COL5A1: variants seen among roughly 807,000 people sequenced by gnomAD.
The protein encoded by COL5A1 is collagen alpha-1(V) chain.
A neutral mutation model predicts 263.7 loss-of-function variants in COL5A1; 16 were observed. That is an observed-to-expected ratio of 0.06 (90% CI 0.04 to 0.09). The LOEUF (loss-of-function observed/expected upper bound fraction) is 0.09, where lower values mean the gene tolerates loss of function less well. COL5A1 is among the 10% of genes least tolerant of loss of function. The pLI is 1.00. For missense variants in COL5A1, 2,036 were observed against 2,540.5 expected, an observed-to-expected ratio of 0.80 and a Z score of 4.27; for synonymous variants, 1,012 against 1,004.5, an observed-to-expected ratio of 1.01 and a Z score of -0.14.
At chr9:134,832,362 C>T (rs1413772142) in intron 64 of COL5A1, among the ~76,000 whole-genome samples, 2 of 152,042 alleles carry the variant, frequency 1.3e-5, no homozygotes, top group Non-Finnish European at 2.9e-5. Flanking sequence ...GCTGAGATCG[C>T]GCCACTGCAC....
At chr9:134,648,879 C>T (rs1458454519) in intron 1 of COL5A1, among the ~76,000 whole-genome samples, 9 of 152,206 alleles carry the variant, frequency 5.9e-5, no homozygotes, top group Non-Finnish European at 1.0e-4. Context: ...CTTGGGCAGT[C>T]GCGGGCCAGG....
intron 4 of COL5A1, among the ~76,000 whole-genome samples, chr9:134,706,640 C>T (rs145256873): frequency 2.6e-5 from 4 of 152,324 alleles, no homozygotes; most frequent in African/African-American, 4.8e-5. Context: ...ATTGGGACCT[C>T]GGAAATCATG....
Position 134,659,396 on chromosome 9 carries a change from A to C in COL5A1, c.109+17100A>C, listed in dbSNP as rs562700248. Among the ~76,000 whole-genome samples the C allele has an allele frequency of 1.4e-4, 22 of 152,248 alleles. No homozygotes were observed. In the South Asian group the frequency reaches 2.9e-3, roughly 20 times the overall value. ...AGAGACTCCATCTCAAAACAATAAT[A>C]ATAATCATAATCATAAAAAAGCCTT... On this transcript the variant is annotated intron_variant, in intron 1 of 65. Transcript: ENST00000371817.
chr9:134,704,089 T>C (rs1158570360), intron 4 of COL5A1, among the ~76,000 whole-genome samples: 1 of 152,170 alleles, frequency 6.6e-6, no homozygotes, highest in East Asian at 1.9e-4. Flanking sequence ...TTCATTGATA[T>C]TCTAACTGAG....
chr9:134,695,028 G>A lies in COL5A1; in HGVS notation c.277+3949G>A, dbSNP rs575282963. The stretch of plus-strand genomic sequence containing the variant: ...CCTCTGAGGATGACCAGGCGAGGCA[G>A]TGTCCCCCCTGGTCACCTGACTTGG... On this transcript the variant is annotated intron_variant, in intron 2 of 65. Coordinates refer to ENST00000371817, the MANE Select transcript of COL5A1 (RefSeq NM_000093.5). Among the ~76,000 whole-genome samples, 5 of 152,294 alleles carry A rather than the reference G, an allele frequency of 3.3e-5. No homozygotes were observed. In the South Asian group the frequency reaches 1.0e-3, roughly 32 times the overall value.
Position 134,700,823 on chromosome 9 carries a change from C to T in COL5A1, c.492-348C>T, listed in dbSNP as rs117541604. ...CTGCCATTCTCCCGATGGCTGTGAC[C>T]GCACCGCAGGGACCACGCTCCCAGG... On this transcript the variant is annotated intron_variant, in intron 3 of 65. Coordinates refer to ENST00000371817, the MANE Select transcript of COL5A1 (RefSeq NM_000093.5). The surrounding 1 kb of genome is among the most constrained non-coding windows in gnomAD (Gnocchi z 4.0). Among the ~76,000 whole-genome samples, 2,890 of 152,290 alleles carry T rather than the reference C, an allele frequency of 0.019. 40 individuals are homozygous for T. Among genetic ancestry groups the T allele is most frequent in the Non-Finnish European group, 0.031 (2,141 of 68,020 alleles).
chr9:134,661,799 G>A (rs539285494), intron 1 of COL5A1, among the ~76,000 whole-genome samples: 1 of 152,276 alleles, frequency 6.6e-6, no homozygotes, highest in East Asian at 1.9e-4. Context: ...AGCTCTTCCA[G>A]CTGTGCTCCA....
At chr9:134,827,585 C>T (rs889286933) in intron 63 of COL5A1, among the ~76,000 whole-genome samples, 1 of 152,248 alleles carries the variant, frequency 6.6e-6, no homozygotes, top group African/African-American at 2.4e-5. Context: ...ACGGGCCAGA[C>T]TCCTCCAAAC....
intron 52 of COL5A1, 152 bp downstream of exon 52, chr9:134,816,140 A>T: frequency 1.3e-6 from 1 of 776,808 alleles, no homozygotes; most frequent in South Asian, 1.5e-5. Flanking sequence ...TGATTCCCTT[A>T]TGATGTTGAT....
chr9:134,654,821 G>A (rs1164294980), intron 1 of COL5A1, among the ~76,000 whole-genome samples: 2 of 127,072 alleles, frequency 1.6e-5, no homozygotes, highest in Non-Finnish European at 3.3e-5. Context: ...GGCGGGGTTT[G>A]TAGTGCTGGT....
At chr9:134,839,869 C>A (rs1283154026) in intron 65 of COL5A1, among the ~76,000 whole-genome samples, 1 of 152,284 alleles carries the variant, frequency 6.6e-6, no homozygotes, top group Non-Finnish European at 1.5e-5. Context: ...GGCCCCTGCC[C>A]TCCGTTCCAC....
chr9:134,838,012 G>A (rs1183643576), intron 65 of COL5A1, among the ~76,000 whole-genome samples: 1 of 152,160 alleles, frequency 6.6e-6, no homozygotes, highest in African/African-American at 2.4e-5. Context: ...AGACAGCCCA[G>A]GCCATGGCTG....
intron 65 of COL5A1, among the ~76,000 whole-genome samples, chr9:134,836,394 G>A (rs948786735): frequency 6.0e-5 from 9 of 150,808 alleles, no homozygotes; most frequent in South Asian, 4.2e-4. Context: ...ACCAAGCCCC[G>A]TGACCCAGAC....
chr9:134,812,759 AGTGTGTGTGTGTGTCTGTGTGTGT>A, intron 48 of COL5A1, 47 bp downstream of exon 48: 1 of 969,712 alleles, frequency 1.0e-6, no homozygotes, highest in South Asian at 1.6e-5. Context: ...TTGTTTGAGG[AGTGTGTGTGTGTGTCTGTGTGTGT>A]GTGTCTGTGT....
At chr9:134,792,661 G>A (rs934698609) in intron 32 of COL5A1, among the ~76,000 whole-genome samples, 4 of 152,098 alleles carry the variant, frequency 2.6e-5, no homozygotes, top group Non-Finnish European at 4.4e-5. Context: ...CACCATGCCC[G>A]GCCCAGAGAG....
At chr9:134,645,276 G>A (rs766711796) in intron 1 of COL5A1, among the ~76,000 whole-genome samples, 1 of 152,144 alleles carries the variant, frequency 6.6e-6, no homozygotes, top group Non-Finnish European at 1.5e-5. Context: ...CGCCTCAGCC[G>A]AACACAGCTG....
chr9:134,810,316 T>C lies in COL5A1; in HGVS notation c.3528+8T>C. On this transcript the variant is annotated splice_region_variant and intron_variant, in intron 44 of 65. Transcript: ENST00000371817. ...GGGGACAAAGGAGAACAGGTAAGTA[T>C]TGGCACGGGGGCGCGCGGCAGCCCC... The C allele has an allele frequency of 6.2e-7, 1 of 1,613,812 alleles. No individual in the cohort carries two copies. Among genetic ancestry groups the C allele is most frequent in the Non-Finnish European group, 8.5e-7 (1 of 1,179,734 alleles).
chr9:134,815,759 C>T, intron 51 of COL5A1, 130 bp downstream of exon 51: 1 of 1,246,254 alleles, frequency 8.0e-7, no homozygotes, highest in Non-Finnish European at 1.2e-6. Flanking sequence ...TCCCAAAAGG[C>T]ACTCGTGTTC....
At chr9:134,803,559 C>G (rs1017891859) in intron 39 of COL5A1, among the ~76,000 whole-genome samples, 1 of 152,122 alleles carries the variant, frequency 6.6e-6, no homozygotes, top group Non-Finnish European at 1.5e-5. Flanking sequence ...CGCTTGAACC[C>G]GGGAGGCGGA....
Sources: gnomAD v4.1 joint callset for allele counts (sites outside exome capture counted in the v4.1 genomes callset) on GRCh38, gnomAD v4.1.1 for gene constraint, Gnocchi (gnomAD v3.1) non-coding constraint, MANE v1.5 for transcripts, NCBI Gene and HGNC (gene_info 2026-07-23, HGNC 2026-07-21) for gene names.